Variants in ARID1B observed in about 807,000 individuals in gnomAD.
ARID1B encodes AT-rich interaction domain 1B.
Under a neutral mutation model 212.3 loss-of-function variants are expected in ARID1B, and 30 were observed. The ratio of observed to expected loss-of-function variants is 0.14; its 90% CI spans 0.11 to 0.19. ARID1B has a LOEUF of 0.19. Among genes scored for constraint, ARID1B ranks in the 10% least tolerant of loss-of-function variants. ARID1B has a pLI of 1.00. For missense variants in ARID1B, 2,891 were observed against 3,204.0 expected (o/e 0.90, Z 2.36); for synonymous variants, 1,402 against 1,301.7 (o/e 1.08, Z -1.66).
intron 4 of ARID1B, among the ~76,000 whole-genome samples, chr6:156,978,164 C>T (rs1023288256): frequency 6.6e-6 from 1 of 152,184 alleles, no homozygotes; most frequent in African/African-American, 2.4e-5. Context: ...CTTACGCTTC[C>T]CTGAAAACAC....
At chr6:156,908,866 T>C (rs1789623598) in intron 3 of ARID1B, among the ~76,000 whole-genome samples, 1 of 152,082 alleles carries the variant, frequency 6.6e-6, no homozygotes, top group African/African-American at 2.4e-5. Context: ...TTGAACAATG[T>C]TTTGTGTTTG....
intron 4 of ARID1B, among the ~76,000 whole-genome samples, chr6:157,049,109 G>T (rs1482125708): frequency 4.0e-5 from 6 of 150,208 alleles, no homozygotes; most frequent in Non-Finnish European, 8.9e-5. Flanking sequence ...GGAGGTGGAG[G>T]TTGCAGTGAG....
intron 4 of ARID1B, among the ~76,000 whole-genome samples, chr6:157,010,011 C>T (rs1200577962): frequency 2.0e-5 from 3 of 152,182 alleles, no homozygotes; most frequent in Non-Finnish European, 4.4e-5. Context: ...GCTCTTACCC[C>T]TTCTCATATG....
intron 4 of ARID1B, among the ~76,000 whole-genome samples, chr6:156,977,299 T>A (rs1173547253): frequency 2.0e-5 from 3 of 150,408 alleles, no homozygotes; most frequent in African/African-American, 4.9e-5. Flanking sequence ...TTTTTTTTTT[T>A]AAACAGCAGC....
In ARID1B at chr6:157,206,823, T is replaced by C; in HGVS notation, c.6051T>C (p.Pro2017=). The C allele has an allele frequency of 6.2e-7, 1 of 1,614,026 alleles. No homozygotes were observed. The highest frequency in any genetic ancestry group is 1.1e-5 in the South Asian group (1 of 91,080). The change falls in exon 20 of 20, where the codon CCT becomes CCC. Residue 2017 remains proline (P), a synonymous_variant. Transcript: ENST00000636930. The surrounding 1 kb of genome is among the most constrained non-coding windows in gnomAD (Gnocchi z 6.8). ...GGGCATTGCCTGAAGACGCAAACCC[T>C]GGGCCCCAGACCGAAAGCAGTAAGT... ...RPGALPEDAN[P]GPQTESSKFP...
At chr6:157,039,318 A>ATTTTTT (rs1215591720) in intron 4 of ARID1B, among the ~76,000 whole-genome samples, 13 of 112,814 alleles carry the variant, frequency 1.2e-4, no homozygotes, top group Non-Finnish European at 1.7e-4. Context: ...GAAATTTGAC[A>ATTTTTT]TTTCTTTTTT....
In ARID1B at chr6:157,085,587, A is replaced by G. The variant is rs183996166; in HGVS notation, c.2491+682A>G. ...AGCTTTCTTATATCAGACTTCATCC[A>G]TTCAAGTCTACCGTACAACTAGCTT... On this transcript the variant is annotated intron_variant, in intron 5 of 19. Transcript: ENST00000636930. Among the ~76,000 whole-genome samples, 155 of 152,302 alleles carry G rather than the reference A, an allele frequency of 1.0e-3. 1 individual carries two copies. Among genetic ancestry groups the G allele is most frequent in the African/African-American group, 3.6e-3 (148 of 41,562 alleles).
Position 156,778,304 on chromosome 6 carries a change from GCAGCAGCAGCAA to G in ARID1B, c.630_641del (p.Gln211_Gln214del). 2.6e-6 allele frequency: 4 copies of G among 1,544,920 alleles called. No individual in the cohort carries two copies. The highest frequency in any genetic ancestry group is 3.5e-6 in the Non-Finnish European group (4 of 1,146,566). On this transcript the variant is annotated inframe_deletion, in exon 1 of 20. Transcript: ENST00000636930. ...AGCAGCAGCAGCAACAGCAGCAGCA[GCAGCAGCAGCAA>G]CAGCAACATCCCATTTCCAACAACA... is the stretch of plus-strand genomic sequence containing the variant.
intron 2 of ARID1B, among the ~76,000 whole-genome samples, chr6:156,876,726 G>A (rs1174909978): frequency 1.3e-5 from 2 of 152,154 alleles, no homozygotes; most frequent in Non-Finnish European, 2.9e-5. Context: ...GGCTGTTGCC[G>A]TCACTGGCGT....
Position 156,777,796 on chromosome 6 carries a change from A to C in ARID1B, c.116A>C (p.Asp39Ala). ...CCGCGGCCGGCGCCCGGAGCCCGGGACCTGGAGGCGGGGGCGCGCGGCGCG... is the reference window on the plus strand; with the variant it reads ...CCGCGGCCGGCGCCCGGAGCCCGGGCCCTGGAGGCGGGGGCGCGCGGCGCG... ...PGPRPAPGAR[D>A]LEAGARGAAA... Residue 39 changes from aspartate (D) to alanine (A), a missense_variant, in exon 1 of 20, where the codon GAC becomes GCC. Physicochemically the swap from Asp to Ala is moderately radical, Grantham distance 126. Transcript: ENST00000636930. 2 of 929,588 alleles carry C rather than the reference A, an allele frequency of 2.2e-6. No individual in the cohort carries two copies. The highest frequency in any genetic ancestry group is 1.3e-6 in the Non-Finnish European group (1 of 784,936). 57.6% of individuals were successfully genotyped at this position (929,588 alleles called of 1,614,324 possible).
At chr6:156,913,217 C>CTTT (rs372967890) in intron 3 of ARID1B, among the ~76,000 whole-genome samples, 15 of 129,028 alleles carry the variant, frequency 1.2e-4, no homozygotes, top group African/African-American at 2.7e-4. Flanking sequence ...TTTTCTTTTT[C>CTTT]TTTTTTTTTT....
chr6:157,171,375 AT>A (rs1791708506), intron 9 of ARID1B, among the ~76,000 whole-genome samples: 1 of 152,238 alleles, frequency 6.6e-6, no homozygotes, highest in Non-Finnish European at 1.5e-5. Flanking sequence ...CAGTGCCTTG[AT>A]TTAACACGTC....
In ARID1B at chr6:157,191,769, CAT is replaced by C. The variant is rs796779263; in HGVS notation, c.4231+1563_4231+1564del. ...TGATGTGTATATTATTGGAAAAAAA[CAT>C]ATAGAATAAATAGTGAATAATATTT... On this transcript the variant is annotated intron_variant, in intron 15 of 19. Coordinates refer to ENST00000636930, the MANE Select transcript of ARID1B (RefSeq NM_001374828.1). Among the ~76,000 whole-genome samples, 6 of 152,132 alleles carry C rather than the reference CAT, an allele frequency of 3.9e-5. No individual in the cohort carries two copies. In the South Asian group the frequency reaches 1.0e-3, roughly 26 times the overall value.
intron 1 of ARID1B, among the ~76,000 whole-genome samples, chr6:156,819,329 A>G (rs978948516): frequency 3.9e-5 from 6 of 152,246 alleles, no homozygotes; most frequent in Non-Finnish European, 7.3e-5. Context: ...GGGTAGCAAG[A>G]GTAACAAATG....
Position 156,923,921 on chromosome 6 carries a change from C to A in ARID1B, c.2137-11545C>A, listed in dbSNP as rs368396037. Among the ~76,000 whole-genome samples, 47 of 152,276 alleles carry A rather than the reference C, an allele frequency of 3.1e-4. No homozygotes were observed. The South Asian group carries it at 8.7e-3, about 28-fold the overall frequency. ...CCGCGTTGGCCAGGCTGGTCTTAAACTGATCTCAGGCGATCTTCCTGCCTC... is the reference window on the plus strand; with the variant it reads ...CCGCGTTGGCCAGGCTGGTCTTAAAATGATCTCAGGCGATCTTCCTGCCTC... On this transcript the variant is annotated intron_variant, in intron 3 of 19. Transcript: ENST00000636930.
chr6:157,158,029 AAATAAT>A (rs1044045317), intron 8 of ARID1B, among the ~76,000 whole-genome samples: 1 of 152,230 alleles, frequency 6.6e-6, no homozygotes, highest in Non-Finnish European at 1.5e-5. Context: ...GTCTCTTAAA[AAATAAT>A]AATAATAACA....
chr6:157,140,300 T>G (rs959315520), intron 7 of ARID1B, among the ~76,000 whole-genome samples: 1 of 151,942 alleles, frequency 6.6e-6, no homozygotes, highest in Non-Finnish European at 1.5e-5. Context: ...TGAAACCCCA[T>G]CTCTATTAAA....
intron 4 of ARID1B, among the ~76,000 whole-genome samples, chr6:156,962,708 C>A (rs1794472926): frequency 6.6e-6 from 1 of 152,182 alleles, no homozygotes; most frequent in African/African-American, 2.4e-5. Flanking sequence ...CTCTTAAACT[C>A]CCACGCTCAA....
intron 1 of ARID1B, among the ~76,000 whole-genome samples, chr6:156,788,431 C>T (rs1395722917): frequency 3.9e-5 from 6 of 152,194 alleles, no homozygotes; most frequent in African/African-American, 1.4e-4. Flanking sequence ...TATCCCATCC[C>T]TAATATTAAT....
Sources: allele counts gnomAD v4.1 joint callset (sites outside exome capture counted in the v4.1 genomes callset), GRCh38; gene constraint gnomAD v4.1.1; non-coding constraint Gnocchi (gnomAD v3.1); transcripts MANE v1.5; gene names NCBI Gene and HGNC (gene_info 2026-07-23, HGNC 2026-07-21).